LCORL: variants seen among roughly 807,000 people sequenced by gnomAD.
LCORL encodes the protein ligand-dependent nuclear receptor corepressor-like protein.
A neutral mutation model predicts 141.8 loss-of-function variants in LCORL; 41 were observed. The observed-to-expected ratio is 0.29, with a 90% CI of 0.23 to 0.38. The LOEUF (loss-of-function observed/expected upper bound fraction) is 0.38, where lower values mean the gene tolerates loss of function less well. Among genes scored for constraint, LCORL ranks in the 10% least tolerant of loss-of-function variants. The pLI, the probability that LCORL is intolerant of heterozygous loss-of-function variation, is 1.00. For missense variants in LCORL, 1,759 were observed against 2,035.0 expected (o/e 0.86, Z 2.61); for synonymous variants, 618 against 694.1 (o/e 0.89, Z 1.72).
intron 1 of LCORL, among the ~76,000 whole-genome samples, chr4:18,011,694 T>A (rs983067417): frequency 6.6e-6 from 1 of 152,210 alleles, no homozygotes; most frequent in Non-Finnish European, 1.5e-5. Flanking sequence ...CCTATTTTTA[T>A]AAATAAATGT....
chr4:17,894,997 T>A (rs1283596546), intron 5 of LCORL, among the ~76,000 whole-genome samples: 1 of 150,234 alleles, frequency 6.7e-6, no homozygotes, highest in Non-Finnish European at 1.5e-5. Flanking sequence ...ATCTTTCCTC[T>A]GATATTTATC....
At chr4:17,929,992 G>C (rs1735748192) in intron 4 of LCORL, among the ~76,000 whole-genome samples, 1 of 152,084 alleles carries the variant, frequency 6.6e-6, no homozygotes, top group African/African-American at 2.4e-5. Flanking sequence ...TGGCTTATAA[G>C]TACATGACAA....
intron 7 of LCORL, among the ~76,000 whole-genome samples, chr4:17,867,551 C>A (rs1346924504): frequency 1.3e-5 from 2 of 152,208 alleles, no homozygotes; most frequent in African/African-American, 2.4e-5. Context: ...CTGTTCTCTA[C>A]AACCACCAGT....
At chr4:17,851,615 G>T (rs1441321324) in intron 7 of LCORL, among the ~76,000 whole-genome samples, 1 of 152,032 alleles carries the variant, frequency 6.6e-6, no homozygotes, top group African/African-American at 2.4e-5. Context: ...AGAATTTTTG[G>T]CTGTTTTAAT....
At chr4:17,985,834 T>C (rs1239833434) in intron 1 of LCORL, among the ~76,000 whole-genome samples, 3 of 152,174 alleles carry the variant, frequency 2.0e-5, no homozygotes, top group Non-Finnish European at 4.4e-5. Context: ...TGCTGGCTTG[T>C]TTGTGTGGTT....
Position 18,021,776 on chromosome 4 carries a change from A to G in LCORL, c.-25T>C. 6.8e-7 allele frequency: 1 copy of G among 1,476,426 alleles called. No homozygotes were observed. Among genetic ancestry groups the G allele is most frequent in the African/African-American group, 1.5e-5 (1 of 68,140 alleles). The allele number at this position is 1,476,426 out of a possible 1,614,324, so 91.5% of individuals were successfully genotyped here. ...TCTGCGTCCCGCGTCACGCGCCCTC[A>G]TTTACATACGAGCAGCGCAGGCACG... On this transcript the variant is annotated 5_prime_UTR_variant, in exon 1 of 8. Transcript: ENST00000635767. This position sits in a 1 kb window ranked among gnomAD's most constrained non-coding sequence, Gnocchi z 5.5.
chr4:17,958,887 C>T (rs2109584248), intron 4 of LCORL, among the ~76,000 whole-genome samples: 1 of 152,086 alleles, frequency 6.6e-6, no homozygotes, highest in Admixed American at 6.5e-5. Context: ...TCTACTCTAG[C>T]ACTCTAGTTA....
At chr4:17,927,782 A>G (rs563200459) in intron 4 of LCORL, among the ~76,000 whole-genome samples, 97 of 152,352 alleles carry the variant, frequency 6.4e-4, no homozygotes, top group African/African-American at 2.3e-3. Flanking sequence ...AAGGATCACC[A>G]TAATAGATAT....
chr4:17,910,115 C>G (rs1316005197), intron 4 of LCORL, among the ~76,000 whole-genome samples: 1 of 152,082 alleles, frequency 6.6e-6, no homozygotes, highest in East Asian at 1.9e-4. Flanking sequence ...TGATCAAGTA[C>G]AACTATAATA....
At chr4:17,924,255 AG>A (rs1054527813) in intron 4 of LCORL, among the ~76,000 whole-genome samples, 30 of 152,204 alleles carry the variant, frequency 2.0e-4, no homozygotes, top group Non-Finnish European at 3.8e-4. Context: ...TCAAGTGGAT[AG>A]GATGACTTCT....
At chr4:17,984,080 G>A (rs891167614) in intron 1 of LCORL, among the ~76,000 whole-genome samples, 1 of 152,100 alleles carries the variant, frequency 6.6e-6, no homozygotes, top group Non-Finnish European at 1.5e-5. Flanking sequence ...TTATTGACTT[G>A]CATATGTTGA....
chr4:17,930,686 T>C lies in LCORL; in HGVS notation c.431-21341A>G, dbSNP rs1560360786. On this transcript the variant is annotated intron_variant, in intron 4 of 7. Coordinates refer to ENST00000635767, the Ensembl canonical transcript of LCORL. ...ATCATTTTCTTAATGTAGCATAGGATTACGTTTGACGCTTTTGTATTGACA... is the reference window on the plus strand; with the variant it reads ...ATCATTTTCTTAATGTAGCATAGGACTACGTTTGACGCTTTTGTATTGACA... 2.0e-5 allele frequency among the ~76,000 whole-genome samples: 3 copies of C among 152,188 alleles called. No homozygotes were observed. The East Asian group carries it at 5.8e-4, about 29-fold the overall frequency.
intron 4 of LCORL, among the ~76,000 whole-genome samples, chr4:17,943,850 C>T (rs1738391300): frequency 6.6e-6 from 1 of 152,072 alleles, no homozygotes. Context: ...CATAAGAATC[C>T]ATACCATTAT....
At chr4:17,999,471 CA>C (rs1398790612) in intron 1 of LCORL, among the ~76,000 whole-genome samples, 1 of 151,006 alleles carries the variant, frequency 6.6e-6, no homozygotes, top group Non-Finnish European at 1.5e-5. Context: ...AAAAAAAGAA[CA>C]GGATGTCGAA....
chr4:17,893,243 A>T (rs1184550409), intron 5 of LCORL: 1 of 377,930 alleles, frequency 2.6e-6, no homozygotes, highest in African/African-American at 2.2e-5. Flanking sequence ...TTTTAGATCC[A>T]GCAATTTCAC....
intron 5 of LCORL, among the ~76,000 whole-genome samples, 161 bp from the exon 6 acceptor site, chr4:17,886,322 G>T (rs1047732606): frequency 6.6e-6 from 1 of 151,968 alleles, no homozygotes; most frequent in Non-Finnish European, 1.5e-5. Flanking sequence ...ATATGACTGG[G>T]AAGGCACTAT....
At chr4:17,963,495 T>C (rs1206251977) in intron 2 of LCORL, among the ~76,000 whole-genome samples, 1 of 151,744 alleles carries the variant, frequency 6.6e-6, no homozygotes, top group Non-Finnish European at 1.5e-5. Flanking sequence ...TTTCAGAAAA[T>C]GGAATGATGC....
intron 4 of LCORL, among the ~76,000 whole-genome samples, chr4:17,956,232 T>C (rs1402113344): frequency 1.3e-5 from 2 of 152,098 alleles, no homozygotes; most frequent in Non-Finnish European, 2.9e-5. Flanking sequence ...GTACAGCCAC[T>C]ATAGAAAATA....
Position 18,021,408 on chromosome 4 carries a change from C to T in LCORL, c.154+190G>A, listed in dbSNP as rs1485815686. 6.6e-6 allele frequency among the ~76,000 whole-genome samples: 1 copy of T among 152,146 alleles called. No homozygotes were observed. The highest frequency in any genetic ancestry group is 1.9e-4 in the East Asian group (1 of 5,158). On this transcript the variant is annotated intron_variant, in intron 1 of 7. Transcript: ENST00000635767. This position sits in a 1 kb window ranked among gnomAD's most constrained non-coding sequence, Gnocchi z 5.5. Reference sequence around the variant, plus strand: ...AGCTGGGAAGGCGAAGGAGCGCGGACCGCGCCGGGCCAGCAGCCCGCAAGA... The same window carrying T: ...AGCTGGGAAGGCGAAGGAGCGCGGATCGCGCCGGGCCAGCAGCCCGCAAGA...
Sources: allele counts gnomAD v4.1 joint callset (sites outside exome capture counted in the v4.1 genomes callset), GRCh38; gene constraint gnomAD v4.1.1; non-coding constraint Gnocchi (gnomAD v3.1); transcripts MANE v1.5; gene names NCBI Gene and HGNC (gene_info 2026-07-23, HGNC 2026-07-21).